Variants in GALNTL6 observed in about 807,000 individuals in gnomAD.
GALNTL6 encodes the protein polypeptide N-acetylgalactosaminyltransferase like 6, also known as polypeptide N-acetylgalactosaminyltransferase-like 6.
A neutral mutation model predicts 73.7 loss-of-function variants in GALNTL6; 46 were observed. The ratio of observed to expected loss-of-function variants is 0.62; its 90% confidence interval spans 0.49 to 0.80. The LOEUF is 0.80. GALNTL6 is among the 30% of genes least tolerant of loss of function. The pLI is 0.00. For synonymous variants in GALNTL6, 259 were observed against 263.7 expected, an observed-to-expected ratio of 0.98 and a Z score of 0.17; for missense variants, 604 against 755.0, an observed-to-expected ratio of 0.80 and a Z score of 2.34.
chr4:172,180,991 G>C (rs1450726295), intron 2 of GALNTL6, among the ~76,000 whole-genome samples: 1 of 152,038 alleles, frequency 6.6e-6, no homozygotes, highest in African/African-American at 2.4e-5. Context: ...TTCCAATTCT[G>C]TGAAGAAAGT....
chr4:172,795,412 C>T (rs1039544393), intron 5 of GALNTL6, among the ~76,000 whole-genome samples: 19 of 152,056 alleles, frequency 1.2e-4, no homozygotes, highest in Admixed American at 9.2e-4. Context: ...TGACTGGTGA[C>T]CTCAGCTCTC....
At chr4:172,406,332 T>C (rs1015904048) in intron 5 of GALNTL6, among the ~76,000 whole-genome samples, 25 of 152,144 alleles carry the variant, frequency 1.6e-4, no homozygotes, top group African/African-American at 5.8e-4. Context: ...GAAATACATA[T>C]ATTTTAGAAA....
intron 2 of GALNTL6, among the ~76,000 whole-genome samples, chr4:171,891,825 C>T (rs1254110712): frequency 6.6e-6 from 1 of 152,154 alleles, no homozygotes; most frequent in African/African-American, 2.4e-5. Context: ...AGTATGCCCA[C>T]TACAACATTT....
At chr4:172,913,150 G>C (rs1365328363) in intron 8 of GALNTL6, among the ~76,000 whole-genome samples, 1 of 152,146 alleles carries the variant, frequency 6.6e-6, no homozygotes, top group East Asian at 1.9e-4. Flanking sequence ...TGCAGCTAAG[G>C]GTCCTGACTG....
chr4:172,894,851 G>A (rs1218916069), intron 8 of GALNTL6, among the ~76,000 whole-genome samples: 1 of 151,450 alleles, frequency 6.6e-6, no homozygotes, highest in African/African-American at 2.4e-5. Flanking sequence ...TATATGTCTG[G>A]GTGTTTTGGT....
At chr4:171,924,373 G>T (rs769849253) in intron 2 of GALNTL6, among the ~76,000 whole-genome samples, 3 of 152,140 alleles carry the variant, frequency 2.0e-5, no homozygotes, top group Non-Finnish European at 4.4e-5. Context: ...GTGCAAAAAC[G>T]TTATGAGGTG....
chr4:171,929,622 G>T (rs1015458797), intron 2 of GALNTL6, among the ~76,000 whole-genome samples: 1 of 152,186 alleles, frequency 6.6e-6, no homozygotes, highest in Non-Finnish European at 1.5e-5. Context: ...CACTGTACGT[G>T]CTCGCTCCTG....
chr4:172,051,407 C>T (rs1370883057), intron 2 of GALNTL6, among the ~76,000 whole-genome samples: 1 of 152,108 alleles, frequency 6.6e-6, no homozygotes, highest in African/African-American at 2.4e-5. Flanking sequence ...AATCAGGTCA[C>T]ACATGGACTT....
At chr4:172,501,174 T>C (rs1375678605) in intron 5 of GALNTL6, among the ~76,000 whole-genome samples, 1 of 152,236 alleles carries the variant, frequency 6.6e-6, no homozygotes, top group Admixed American at 6.5e-5. Context: ...GACTGTGATA[T>C]TGTACTGCAC....
chr4:172,862,365 A>T (rs1422140908), intron 7 of GALNTL6, among the ~76,000 whole-genome samples: 1 of 152,160 alleles, frequency 6.6e-6, no homozygotes, highest in Non-Finnish European at 1.5e-5. Context: ...AGGCAGAAGA[A>T]ATTTCTAAGC....
intron 2 of GALNTL6, among the ~76,000 whole-genome samples, chr4:171,964,748 G>A (rs1266193550): frequency 3.3e-5 from 5 of 152,220 alleles, no homozygotes; most frequent in Admixed American, 6.5e-5. Flanking sequence ...AGGGCTGAAG[G>A]ACTTGTTTTT....
intron 8 of GALNTL6, among the ~76,000 whole-genome samples, chr4:172,906,047 C>T (rs947647808): frequency 6.6e-6 from 1 of 152,144 alleles, no homozygotes; most frequent in African/African-American, 2.4e-5. Context: ...AGTGGGGAAT[C>T]AGTAATCGCT....
At chr4:172,349,922 A>G (rs1192189344) in intron 5 of GALNTL6, among the ~76,000 whole-genome samples, 1 of 151,858 alleles carries the variant, frequency 6.6e-6, no homozygotes, top group Non-Finnish European at 1.5e-5. Flanking sequence ...ATAGGTAGGC[A>G]TGCATTTAAT....
At chr4:171,868,346 C>T (rs977882979) in intron 2 of GALNTL6, among the ~76,000 whole-genome samples, 2 of 150,822 alleles carry the variant, frequency 1.3e-5, no homozygotes, top group Non-Finnish European at 2.9e-5. Context: ...CTGCTCCTTA[C>T]CCTACGATTT....
chr4:171,846,509 G>A (rs1364205232), intron 2 of GALNTL6, among the ~76,000 whole-genome samples: 1 of 151,962 alleles, frequency 6.6e-6, no homozygotes, highest in African/African-American at 2.4e-5. Context: ...TTCAATTGTA[G>A]CATCTGTTGG....
At position 172,023,262 on chromosome 4, in the gene GALNTL6, T is replaced by A. The variant is rs185638787; in HGVS notation, c.139-206394T>A. 7.5e-3 allele frequency among the ~76,000 whole-genome samples: 1,102 copies of A among 146,116 alleles called. 15 individuals are homozygous for A. Among genetic ancestry groups the A allele is most frequent in the African/African-American group, 0.028 (1,033 of 36,810 alleles). The stretch of plus-strand genomic sequence containing the variant: ...TATAGTGTGTTTAGTGTATTGAAAA[T>A]ATATATATATATATTTGTCAAATAA... On this transcript the variant is annotated intron_variant, in intron 2 of 12. Coordinates refer to ENST00000506823, the MANE Select transcript of GALNTL6 (RefSeq NM_001034845.3).
At chr4:172,552,208 A>G (rs1002045246) in intron 5 of GALNTL6, among the ~76,000 whole-genome samples, 1 of 152,132 alleles carries the variant, frequency 6.6e-6, no homozygotes, top group African/African-American at 2.4e-5. Context: ...CAGCTCATTT[A>G]ATGAAATTGG....
intron 2 of GALNTL6, among the ~76,000 whole-genome samples, chr4:172,019,936 C>CAA (rs1162490012): frequency 2.6e-5 from 4 of 151,984 alleles, no homozygotes; most frequent in Non-Finnish European, 5.9e-5. Context: ...AACAAGTCTT[C>CAA]AACATTCAAA....
chr4:172,764,281 G>A (rs574903888), intron 5 of GALNTL6, among the ~76,000 whole-genome samples: 8 of 152,258 alleles, frequency 5.3e-5, no homozygotes, highest in Admixed American at 2.6e-4. Context: ...CTAACAAATT[G>A]AGAGAAAATA....
Sources: allele counts gnomAD v4.1 joint callset (sites outside exome capture counted in the v4.1 genomes callset), GRCh38; gene constraint gnomAD v4.1.1; transcripts MANE v1.5; gene names NCBI Gene and HGNC (gene_info 2026-07-23, HGNC 2026-07-21).